The following ADAMTS1 variants were observed in gnomAD, a reference collection of about 807,000 sequenced individuals.
ADAMTS1 encodes ADAM metallopeptidase with thrombospondin type 1 motif 1, also known as A disintegrin and metalloproteinase with thrombospondin motifs 1.
ADAMTS1 carries 19 observed loss-of-function variants against 87.9 expected under a neutral mutation model. The observed-to-expected ratio is 0.22, with a 90% CI of 0.15 to 0.32. The LOEUF (loss-of-function observed/expected upper bound fraction) is 0.32. Ranked by LOEUF, ADAMTS1 falls within the 10% of genes least tolerant of loss-of-function variation. The pLI, the probability that ADAMTS1 is intolerant of heterozygous loss-of-function variation, is 1.00. For missense variants in ADAMTS1, 1,240 were observed against 1,259.1 expected (o/e 0.98, Z 0.23); for synonymous variants, 542 against 501.8 (o/e 1.08, Z -1.07).
intron 2 of ADAMTS1, 27 bp downstream of exon 2, chr21:26,842,312 T>C: frequency 6.2e-7 from 1 of 1,601,664 alleles, no homozygotes; most frequent in Non-Finnish European, 8.5e-7. Context: ...GAGGACAGTC[T>C]CACAGCTGGT....
At position 26,840,361 on chromosome 21, in the gene ADAMTS1, G is replaced by A. The variant is rs370561058; in HGVS notation, c.1580C>T (p.Pro527Leu). 8.1e-6 allele frequency: 13 copies of A among 1,614,030 alleles called. No individual in the cohort carries two copies. Among genetic ancestry groups the A allele is most frequent in the African/African-American group, 4.0e-5 (3 of 74,892 alleles). ...GVLVCQTKHFPWADGTSCGEG... is the reference protein window; with the variant it reads ...GVLVCQTKHFLWADGTSCGEG... Reference sequence around the variant, plus strand: ...TCCACAGCTGGTGCCATCCGCCCACGGGAAGTGTTTGGTTTGACACACCAG... The same window carrying A: ...TCCACAGCTGGTGCCATCCGCCCACAGGAAGTGTTTGGTTTGACACACCAG... Residue 527 changes from proline (P) to leucine (L), a missense_variant, in exon 5 of 9, where the codon CCG (proline) becomes CTG (leucine). Transcript: ENST00000284984.
Position 26,845,060 on chromosome 21 carries a change from A to T in ADAMTS1, c.-106T>A. On this transcript the variant is annotated 5_prime_UTR_variant, in exon 1 of 9. Transcript: ENST00000284984. ...GGCCTGCTCTGGATTGTTAAAATTA[A>T]CAATTTCTATTATTCGTTGGAAGGG... is the stretch of plus-strand genomic sequence containing the variant. 1 of 1,313,300 alleles carries T rather than the reference A, an allele frequency of 7.6e-7. No homozygotes were observed. The highest frequency in any genetic ancestry group is 2.8e-5 in the East Asian group (1 of 35,928). 81.4% of individuals were successfully genotyped at this position (1,313,300 alleles called of 1,614,324 possible).
chr21:26,843,110 G>C (rs954233560), intron 1 of ADAMTS1: 1 of 271,820 alleles, frequency 3.7e-6, no homozygotes, highest in African/African-American at 2.3e-5. Flanking sequence ...CCTCGGGTAG[G>C]GCCTGGGCTG....
Position 26,836,366 on chromosome 21 carries a change from T to A in ADAMTS1, c.*1213A>T, listed in dbSNP as rs1985363973. ...TATATGCACTTCCACAAAAGCGATA[T>A]AATTTAAAAGTTTTTTTCATTAGAA... On this transcript the variant is annotated 3_prime_UTR_variant, in exon 9 of 9. Coordinates refer to ENST00000284984, the MANE Select transcript of ADAMTS1 (RefSeq NM_006988.5). The A allele has an allele frequency of 6.6e-6, 1 of 152,602 alleles. No individual in the cohort carries two copies. Among genetic ancestry groups the A allele is most frequent in the South Asian group, 2.1e-4 (1 of 4,832 alleles). 9.5% of individuals were successfully genotyped at this position (152,602 alleles called of 1,614,324 possible). A position where few individuals can be genotyped will look rare whatever the true frequency, so the allele number is the denominator to read the frequency against.
Position 26,842,453 on chromosome 21 carries a change from C to A in ADAMTS1, c.963G>T (p.Val321=). ...GCAGAGTGAGGGCAGCATTGGAGGT[C>A]ACTTCCGGCCCCTTCTGTTCATCGT... ...VIHDEQKGPE[V]TSNAALTLRN... Residue 321 remains valine, a synonymous_variant, in exon 2 of 9, where the codon GTG becomes GTT. Transcript: ENST00000284984. 1 of 1,614,168 alleles carries A rather than the reference C, an allele frequency of 6.2e-7. No homozygotes were observed. Among genetic ancestry groups the A allele is most frequent in the Non-Finnish European group, 8.5e-7 (1 of 1,180,040 alleles).
At chr21:26,839,445 T>C (rs1465962749) in intron 7 of ADAMTS1, 142 bp downstream of exon 7, 1 of 761,818 alleles carries the variant, frequency 1.3e-6, no homozygotes, top group East Asian at 2.6e-5. Flanking sequence ...CAGTTGCCAA[T>C]TAATGTAAAA....
Position 26,844,737 on chromosome 21 carries a change from G to A in ADAMTS1, c.218C>T (p.Thr73Ile). 1 of 1,568,256 alleles carries A rather than the reference G, an allele frequency of 6.4e-7. No homozygotes were observed. The highest frequency in any genetic ancestry group is 8.7e-7 in the Non-Finnish European group (1 of 1,154,420). The part of the protein sequence containing the change: ...PELERAPGHG[T>I]TRLRLHAFDQ... ...AAAGGCGTGCAGGCGGAGGCGCGTGGTCCCGTGTCCCGGGGCGCGCTCCAG... is the reference window on the plus strand; with the variant it reads ...AAAGGCGTGCAGGCGGAGGCGCGTGATCCCGTGTCCCGGGGCGCGCTCCAG... Residue 73 changes from threonine to isoleucine, a missense_variant, in exon 1 of 9, where the codon ACC (threonine) becomes ATC (isoleucine). This residue lies in a region of ADAMTS1 where 521 missense variants were observed against 449.7 expected (regional missense o/e 1.16). Coordinates refer to ENST00000284984, the MANE Select transcript of ADAMTS1 (RefSeq NM_006988.5).
intron 2 of ADAMTS1, among the ~76,000 whole-genome samples, 167 bp from the exon 3 acceptor site, chr21:26,842,157 T>C (rs1391369168): frequency 1.3e-5 from 2 of 152,218 alleles, no homozygotes; most frequent in Non-Finnish European, 2.9e-5. Context: ...CTAATGCTTT[T>C]AAAATAGAAC....
At chr21:26,840,225 C>A (rs1361607086) in intron 5 of ADAMTS1, 51 bp downstream of exon 5, 1 of 1,584,290 alleles carries the variant, frequency 6.3e-7, no homozygotes, top group East Asian at 2.2e-5. Flanking sequence ...ATATCTTTTA[C>A]CATCACTTTG....
At position 26,844,562 on chromosome 21, in the gene ADAMTS1, G is replaced by A. The variant is rs1985574306; in HGVS notation, c.393C>T (p.Gly131=). The part of the protein sequence containing the change: ...AHCFYSGTVN[G]DPSSAAALSL... Reference sequence around the variant, plus strand: ...TGAGGGCGGCAGCCGAGCTGGGATCGCCATTCACGGTGCCGGAGTAGAAGC... The same window carrying A: ...TGAGGGCGGCAGCCGAGCTGGGATCACCATTCACGGTGCCGGAGTAGAAGC... Residue 131 remains glycine, a synonymous_variant, in exon 1 of 9, where the codon GGC becomes GGT. Transcript: ENST00000284984. 1.2e-6 allele frequency: 2 copies of A among 1,610,232 alleles called. No homozygotes were observed. Among genetic ancestry groups the A allele is most frequent in the African/African-American group, 1.3e-5 (1 of 74,900 alleles).
At chr21:26,843,874 TAAAAAG>T in intron 1 of ADAMTS1, 1 of 464,944 alleles carries the variant, frequency 2.2e-6, no homozygotes, top group South Asian at 1.7e-5. Context: ...ACAAAATCAT[TAAAAAG>T]AAATACACAG....
At chr21:26,840,777 T>C (rs1375668884) in intron 4 of ADAMTS1, among the ~76,000 whole-genome samples, 1 of 152,230 alleles carries the variant, frequency 6.6e-6, no homozygotes, top group Non-Finnish European at 1.5e-5. Context: ...CAGGAAGTTA[T>C]TGATCTGCGA....
intron 4 of ADAMTS1, 144 bp downstream of exon 4, chr21:26,840,854 A>T: frequency 9.6e-7 from 1 of 1,046,898 alleles, no homozygotes; most frequent in East Asian, 2.5e-5. Flanking sequence ...TGGAATTAAG[A>T]TCTCAACAGT....
chr21:26,836,963 A>G lies in ADAMTS1; in HGVS notation c.*616T>C, dbSNP rs917091874. 1 of 152,368 alleles carries G rather than the reference A, an allele frequency of 6.6e-6. No homozygotes were observed. The highest frequency in any genetic ancestry group is 2.4e-5 in the African/African-American group (1 of 41,450). The allele number at this position is 152,368 out of a possible 1,614,324, so 9.4% of individuals were successfully genotyped here. ...AATAAAGACTGAGATGGTCCAAAAAAGGAAAGAGGAAGCCATTTGCGTTAT... is the reference window on the plus strand; with the variant it reads ...AATAAAGACTGAGATGGTCCAAAAAGGGAAAGAGGAAGCCATTTGCGTTAT... On this transcript the variant is annotated 3_prime_UTR_variant, in exon 9 of 9. Transcript: ENST00000284984.
chr21:26,844,939 G>A lies in ADAMTS1; in HGVS notation c.16C>T (p.Pro6Ser). 1 of 1,508,306 alleles carries A rather than the reference G, an allele frequency of 6.6e-7. No homozygotes were observed. Among genetic ancestry groups the A allele is most frequent in the East Asian group, 2.3e-5 (1 of 43,638 alleles). The allele number at this position is 1,508,306 out of a possible 1,614,324, so 93.4% of individuals were successfully genotyped here. A position where few individuals can be genotyped will look rare whatever the true frequency, so the allele number is the denominator to read the frequency against. The change falls in exon 1 of 9, where the codon CCC becomes TCC. Residue 6 changes from proline (P) to serine (S), a missense_variant. By Grantham distance (74) the Pro-to-Ser change is moderately conservative (BLOSUM62 -1). Transcript: ENST00000284984. Reference protein sequence around the residue: MQRAVPEGFGRRKLGS... With the variant: MQRAVSEGFGRRKLGS... ...AGCTTGCGCCTTCCGAACCCCTCGG[G>A]CACAGCTCGCTGCATTGGAGCCCCA...
chr21:26,839,471 T>A, intron 7 of ADAMTS1, 116 bp downstream of exon 7: 9 of 973,868 alleles, frequency 9.2e-6, no homozygotes, highest in Non-Finnish European at 1.3e-5. Flanking sequence ...GGAGTTCAAA[T>A]TTGAAATTGA....
chr21:26,838,490 C>A lies in ADAMTS1; in HGVS notation c.2153G>T (p.Gly718Val), dbSNP rs1469616422. The A allele has an allele frequency of 1.9e-6, 3 of 1,614,026 alleles. No homozygotes were observed. The highest frequency in any genetic ancestry group is 2.7e-5 in the African/African-American group (2 of 74,900). Residue 718 changes from glycine to valine, a missense_variant, in exon 8 of 9, where the codon GGG becomes GTG. Coordinates refer to ENST00000284984, the MANE Select transcript of ADAMTS1 (RefSeq NM_006988.5). Reference sequence around the variant, plus strand: ...TTTTTTACAAGTAGATCCATTTCCCCCGCAAACACCACATTTATCAAACTT... The same window carrying A: ...TTTTTTACAAGTAGATCCATTTCCCACGCAAACACCACATTTATCAAACTT... ...KKKFDKCGVC[G>V]GNGSTCKKIS...
intron 4 of ADAMTS1, 147 bp downstream of exon 4, chr21:26,840,851 A>G (rs1985479038): frequency 9.7e-7 from 1 of 1,030,262 alleles, no homozygotes; most frequent in Admixed American, 2.7e-5. Flanking sequence ...ATTTGGAATT[A>G]AGATCTCAAC....
chr21:26,842,743 C>G lies in ADAMTS1; in HGVS notation c.731-58G>C. 2.1e-6 allele frequency: 3 copies of G among 1,452,912 alleles called. No homozygotes were observed. In the South Asian group the frequency reaches 3.9e-5, roughly 19 times the overall value. The allele number at this position is 1,452,912 out of a possible 1,614,324, so 90.0% of individuals were successfully genotyped here. On this transcript the variant is annotated intron_variant, in intron 1 of 8. Coordinates refer to ENST00000284984, the MANE Select transcript of ADAMTS1 (RefSeq NM_006988.5). ...AGGCTGTCCAAGAATAGTTACCTTC[C>G]TAGCATATATTAGGAAAGCCTAACC...
Sources: gnomAD v4.1 joint callset for allele counts (sites outside exome capture counted in the v4.1 genomes callset) on GRCh38, gnomAD v4.1.1 for gene constraint, gnomAD v4.1.1 regional missense constraint, MANE v1.5 for transcripts, NCBI Gene and HGNC (gene_info 2026-07-23, HGNC 2026-07-21) for gene names.